Variants in NME7 observed in about 807,000 individuals in gnomAD.
NME7 encodes NME/NM23 family member 7.
Under a neutral mutation model 49.1 loss-of-function variants are expected in NME7, and 41 were observed. That is an observed-to-expected ratio of 0.83 (90% confidence interval 0.65 to 1.08). The LOEUF is 1.08. NME7 is among the 50% of genes least tolerant of loss of function. The pLI, the probability that NME7 is intolerant of heterozygous loss-of-function variation, is 0.00. For synonymous variants in NME7, 139 were observed against 150.6 expected (o/e 0.92, Z 0.56); for missense variants, 423 against 463.4 (o/e 0.91, Z 0.80).
Position 169,298,571 on chromosome 1 carries a change from A to G in NME7, c.633T>C (p.Phe211=). The change falls in exon 6 of 12, where the codon TTT becomes TTC. Residue 211 remains phenylalanine (F), a synonymous_variant. Transcript: ENST00000367811. ...IRNAAHGPDS[F]ASAAREMELF... The stretch of plus-strand genomic sequence containing the variant: ...AACACCTTACTCTGGCCGCAGAAGC[A>G]AAAGAATCAGGGCCATGCGCTGCAT... 1 of 1,613,830 alleles carries G rather than the reference A, an allele frequency of 6.2e-7. No homozygotes were observed. The highest frequency in any genetic ancestry group is 8.5e-7 in the Non-Finnish European group (1 of 1,179,840).
intron 10 of NME7, among the ~76,000 whole-genome samples, chr1:169,218,350 C>T (rs1204364324): frequency 6.6e-6 from 1 of 152,058 alleles, no homozygotes; most frequent in Non-Finnish European, 1.5e-5. Flanking sequence ...CCTAGCACAC[C>T]GGATACTGAG....
intron 4 of NME7, among the ~76,000 whole-genome samples, chr1:169,307,210 TA>T (rs1651205009): frequency 6.6e-6 from 1 of 152,160 alleles, no homozygotes; most frequent in Non-Finnish European, 1.5e-5. Flanking sequence ...CCTACAGGGC[TA>T]AAAGGAAAGG....
intron 7 of NME7, among the ~76,000 whole-genome samples, chr1:169,265,800 C>G (rs1474486185): frequency 7.6e-6 from 1 of 131,800 alleles, no homozygotes; most frequent in East Asian, 2.0e-4. Flanking sequence ...ACTGACCCCA[C>G]AGAAATACAA....
chr1:169,325,026 T>C (rs546085123), intron 1 of NME7, among the ~76,000 whole-genome samples: 1 of 152,078 alleles, frequency 6.6e-6, no homozygotes, highest in East Asian at 1.9e-4. Context: ...AAATAGAGAA[T>C]GTGTTAGTCT....
Position 169,333,453 on chromosome 1 carries a change from ATAACT to A in NME7, c.4-8958_4-8954del, listed in dbSNP as rs557419845. Among the ~76,000 whole-genome samples the A allele has an allele frequency of 5.5e-4, 84 of 152,308 alleles. 1 individual carries two copies. The highest frequency in any genetic ancestry group is 1.6e-3 in the African/African-American group (66 of 41,578). ...TAATAACTTAATTGTACATTTTAAAATAACTTAAAGAGTGTAACTGCATTGTTTGT... is the reference window on the plus strand; with the variant it reads ...TAATAACTTAATTGTACATTTTAAAATAAAGAGTGTAACTGCATTGTTTGT... On this transcript the variant is annotated intron_variant, in intron 1 of 11. Coordinates refer to ENST00000367811, the MANE Select transcript of NME7 (RefSeq NM_013330.5).
At chr1:169,245,200 AG>A (rs1648260864) in intron 7 of NME7, among the ~76,000 whole-genome samples, 2 of 128,288 alleles carry the variant, frequency 1.6e-5, no homozygotes, top group South Asian at 2.6e-4. Flanking sequence ...TATACCTCAC[AG>A]CAATCTTGCA....
chr1:169,169,873 T>C (rs1368385041), intron 10 of NME7, among the ~76,000 whole-genome samples: 1 of 152,232 alleles, frequency 6.6e-6, no homozygotes, highest in East Asian at 1.9e-4. Context: ...TTTGATGCTA[T>C]TGATTTCAAA....
intron 1 of NME7, among the ~76,000 whole-genome samples, chr1:169,358,942 G>A (rs1346090947): frequency 6.6e-6 from 1 of 152,100 alleles, no homozygotes; most frequent in Non-Finnish European, 1.5e-5. Flanking sequence ...AATTATGGAT[G>A]TCTATAAAAA....
At chr1:169,329,383 A>T (rs1652177950) in intron 1 of NME7, among the ~76,000 whole-genome samples, 1 of 139,258 alleles carries the variant, frequency 7.2e-6, no homozygotes, top group African/African-American at 2.7e-5. Context: ...TTTCATGAAA[A>T]TTTGTGTTTC....
At chr1:169,177,678 C>A (rs1438792945) in intron 10 of NME7, among the ~76,000 whole-genome samples, 2 of 152,054 alleles carry the variant, frequency 1.3e-5, no homozygotes, top group Non-Finnish European at 2.9e-5. Context: ...TCCTGCTTAA[C>A]TCTCCAACCC....
intron 11 of NME7, among the ~76,000 whole-genome samples, chr1:169,158,850 A>T (rs1659160086): frequency 6.6e-6 from 1 of 152,118 alleles, no homozygotes; most frequent in Non-Finnish European, 1.5e-5. Context: ...CATAAGAACC[A>T]CTGCACTAGG....
chr1:169,279,306 G>C (rs560740326), intron 7 of NME7, among the ~76,000 whole-genome samples: 1 of 152,236 alleles, frequency 6.6e-6, no homozygotes, highest in South Asian at 2.1e-4. Flanking sequence ...GCCTACAGAG[G>C]CAGGCAGGCC....
chr1:169,263,839 G>A (rs1310450302), intron 7 of NME7, among the ~76,000 whole-genome samples: 1 of 131,540 alleles, frequency 7.6e-6, no homozygotes, highest in Admixed American at 7.5e-5. Flanking sequence ...AATGTTAAAA[G>A]CAGCTAGAGA....
intron 6 of NME7, among the ~76,000 whole-genome samples, chr1:169,292,681 G>T (rs1650550686): frequency 1.3e-5 from 2 of 152,034 alleles, no homozygotes; most frequent in South Asian, 4.1e-4. Context: ...TGGGAATAAT[G>T]GAGTACTTTA....
At chr1:169,300,566 A>C (rs1222154593) in intron 5 of NME7, among the ~76,000 whole-genome samples, 1 of 152,178 alleles carries the variant, frequency 6.6e-6, no homozygotes, top group Non-Finnish European at 1.5e-5. Context: ...AGAATACATA[A>C]AGTGTAACAT....
At chr1:169,243,521 A>T (rs1328584536) in intron 7 of NME7, among the ~76,000 whole-genome samples, 1 of 152,218 alleles carries the variant, frequency 6.6e-6, no homozygotes, top group Non-Finnish European at 1.5e-5. Context: ...CCTAACTCCC[A>T]ATGTGATAAA....
At chr1:169,266,407 T>G (rs1305287070) in intron 7 of NME7, among the ~76,000 whole-genome samples, 1 of 133,344 alleles carries the variant, frequency 7.5e-6, no homozygotes, top group African/African-American at 2.5e-5. Flanking sequence ...CATCCCCTCA[T>G]GTTAAAAACC....
intron 10 of NME7, among the ~76,000 whole-genome samples, chr1:169,220,552 T>G (rs1661112496): frequency 6.6e-6 from 1 of 152,164 alleles, no homozygotes; most frequent in Non-Finnish European, 1.5e-5. Flanking sequence ...TGTTTCTTCA[T>G]TAAACACATG....
intron 6 of NME7, among the ~76,000 whole-genome samples, chr1:169,291,480 C>T (rs763508288): frequency 8.6e-5 from 13 of 151,750 alleles, no homozygotes; most frequent in Non-Finnish European, 1.6e-4. Context: ...AGGAGGGGAA[C>T]ATCACACACC....
Sources: gnomAD v4.1 joint callset for allele counts (sites outside exome capture counted in the v4.1 genomes callset) on GRCh38, gnomAD v4.1.1 for gene constraint, MANE v1.5 for transcripts, NCBI Gene and HGNC (gene_info 2026-07-23, HGNC 2026-07-21) for gene names.